Variants in INSC observed in about 807,000 individuals in gnomAD.
INSC encodes protein inscuteable homolog.
Under a neutral mutation model 58.6 loss-of-function variants are expected in INSC, and 67 were observed. That is an observed-to-expected ratio of 1.14 (90% confidence interval 0.94 to 1.40). The LOEUF is 1.40. Among genes scored for constraint, INSC ranks in the 40% most tolerant of loss-of-function variants. The pLI, the probability that INSC is intolerant of heterozygous loss-of-function variation, is 0.00. For missense variants in INSC, 714 were observed against 692.0 expected, an observed-to-expected ratio of 1.03 and a Z score of -0.36; for synonymous variants, 262 against 276.1, an observed-to-expected ratio of 0.95 and a Z score of 0.51.
Position 15,177,100 on chromosome 11 carries a change from T to C in INSC, c.403-11T>C. 1 of 1,613,312 alleles carries C rather than the reference T, an allele frequency of 6.2e-7. No individual in the cohort carries two copies. Among genetic ancestry groups the C allele is most frequent in the Non-Finnish European group, 8.5e-7 (1 of 1,179,294 alleles). On this transcript the variant is annotated splice_polypyrimidine_tract_variant and intron_variant, in intron 3 of 12. Transcript: ENST00000379556. ...TACTGAGTTGAATAAAATGGACTTA[T>C]TTTTCTACAGATTGAGAAGCTGCTA...
At chr11:15,140,258 C>T (rs1938451825) in intron 1 of INSC, among the ~76,000 whole-genome samples, 1 of 152,220 alleles carries the variant, frequency 6.6e-6, no homozygotes, top group Non-Finnish European at 1.5e-5. Flanking sequence ...CTGTCCCATT[C>T]CAGAGCTGAG....
chr11:15,208,938 G>A (rs1003951862), intron 7 of INSC, among the ~76,000 whole-genome samples: 1 of 152,224 alleles, frequency 6.6e-6, no homozygotes, highest in Non-Finnish European at 1.5e-5. Flanking sequence ...GGGGCGGAGT[G>A]AGTGGGGGAG....
rs531776098 is a variant in INSC, at chr11:15,154,377, G to A, written c.56+5147G>A. Among the ~76,000 whole-genome samples the A allele has an allele frequency of 2.6e-5, 4 of 152,268 alleles. No individual in the cohort carries two copies. The East Asian group carries it at 5.8e-4, about 22-fold the overall frequency. On this transcript the variant is annotated intron_variant, in intron 2 of 12. Transcript: ENST00000379556. ...CCAGCAAGCTATTCTCATTTTTTTA[G>A]TATAAAATTGCTGTTTGGAGGGAAA...
At chr11:15,156,618 T>A (rs1848822980) in intron 2 of INSC, among the ~76,000 whole-genome samples, 1 of 152,222 alleles carries the variant, frequency 6.6e-6, no homozygotes, top group South Asian at 2.1e-4. Context: ...CAATTTTAGC[T>A]TTATTGCCAC....
intron 7 of INSC, among the ~76,000 whole-genome samples, chr11:15,209,442 A>G (rs1022102465): frequency 2.0e-5 from 3 of 152,124 alleles, no homozygotes; most frequent in Non-Finnish European, 2.9e-5. Context: ...GGGTGTCCCA[A>G]TGAGAGTTTC....
intron 2 of INSC, among the ~76,000 whole-genome samples, chr11:15,151,251 C>T (rs1273145231): frequency 2.6e-5 from 4 of 152,148 alleles, no homozygotes; most frequent in South Asian, 2.1e-4. Flanking sequence ...GAACTGCTTG[C>T]GTGAGGGATT....
intron 7 of INSC, among the ~76,000 whole-genome samples, chr11:15,206,700 T>A (rs1850814008): frequency 6.6e-6 from 1 of 152,054 alleles, no homozygotes; most frequent in Non-Finnish European, 1.5e-5. Flanking sequence ...TGGGGAAGAA[T>A]GAAGAGAGGT....
At chr11:15,186,815 A>C (rs1849984908) in intron 5 of INSC, among the ~76,000 whole-genome samples, 1 of 152,166 alleles carries the variant, frequency 6.6e-6, no homozygotes, top group Admixed American at 6.6e-5. Flanking sequence ...TCTTTCGAAT[A>C]GTTCATGATG....
intron 7 of INSC, among the ~76,000 whole-genome samples, chr11:15,216,557 A>G (rs1446264464): frequency 2.0e-5 from 3 of 152,334 alleles, no homozygotes; most frequent in South Asian, 4.1e-4. Flanking sequence ...ATAGAAATGC[A>G]GGGATAGTAC....
intron 5 of INSC, among the ~76,000 whole-genome samples, chr11:15,179,729 T>C (rs1472901822): frequency 2.0e-5 from 3 of 152,216 alleles, no homozygotes; most frequent in Non-Finnish European, 4.4e-5. Context: ...GATGAGCCAG[T>C]GCTGACAATC....
chr11:15,201,612 C>T (rs1396804398), intron 7 of INSC, among the ~76,000 whole-genome samples: 1 of 152,214 alleles, frequency 6.6e-6, no homozygotes, highest in Non-Finnish European at 1.5e-5. Flanking sequence ...TGCGCCTCTA[C>T]TTAGACATGA....
Position 15,157,638 on chromosome 11 carries a change from A to G in INSC, c.56+8408A>G, listed in dbSNP as rs1485169393. On this transcript the variant is annotated intron_variant, in intron 2 of 12. Transcript: ENST00000379556. Reference sequence around the variant, plus strand: ...CAGAGAGTCAGCGAGCTAATGACAGAGAGTCAGGCAAGCTATGCAATTATG... The same window carrying G: ...CAGAGAGTCAGCGAGCTAATGACAGGGAGTCAGGCAAGCTATGCAATTATG... 2.0e-5 allele frequency among the ~76,000 whole-genome samples: 3 copies of G among 152,192 alleles called. No individual in the cohort carries two copies. The East Asian group carries it at 5.8e-4, about 29-fold the overall frequency.
intron 1 of INSC, among the ~76,000 whole-genome samples, chr11:15,139,604 G>T (rs769087285): frequency 6.6e-6 from 1 of 152,180 alleles, no homozygotes; most frequent in Admixed American, 6.5e-5. Context: ...TGTGTGCCAG[G>T]CACTTCACAT....
chr11:15,215,144 C>T (rs11603421), intron 7 of INSC, among the ~76,000 whole-genome samples: 62 of 152,336 alleles, frequency 4.1e-4, no homozygotes, highest in African/African-American at 1.5e-3. Flanking sequence ...GATGACCAAG[C>T]CAGGCCATCC....
intron 1 of INSC, among the ~76,000 whole-genome samples, chr11:15,115,664 G>A (rs181558578): frequency 1.1e-4 from 17 of 152,254 alleles, no homozygotes; most frequent in Non-Finnish European, 2.2e-4. Flanking sequence ...AGGAGGCCAG[G>A]GGATGAGTGG....
At chr11:15,152,086 C>T (rs1848672141) in intron 2 of INSC, among the ~76,000 whole-genome samples, 1 of 152,116 alleles carries the variant, frequency 6.6e-6, no homozygotes, top group Non-Finnish European at 1.5e-5. Context: ...TTATTATTAT[C>T]TATATTTTGC....
At chr11:15,194,773 C>A (rs551015603) in intron 6 of INSC, among the ~76,000 whole-genome samples, 2 of 152,288 alleles carry the variant, frequency 1.3e-5, no homozygotes, top group African/African-American at 2.4e-5. Context: ...CAGAATTGAA[C>A]CCCAGCCTCT....
chr11:15,245,863 C>T, intron 12 of INSC, 49 bp from the exon 13 acceptor site: 7 of 1,588,674 alleles, frequency 4.4e-6, no homozygotes, highest in Non-Finnish European at 6.0e-6. Context: ...ATACATGTAC[C>T]TGACATGGCC....
intron 5 of INSC, among the ~76,000 whole-genome samples, chr11:15,186,152 T>G (rs1246878256): frequency 6.6e-6 from 1 of 152,172 alleles, no homozygotes; most frequent in African/African-American, 2.4e-5. Flanking sequence ...GAATTCTGAG[T>G]CCACGAGGGT....
Sources: gnomAD v4.1 joint callset for allele counts (sites outside exome capture counted in the v4.1 genomes callset) on GRCh38, gnomAD v4.1.1 for gene constraint, MANE v1.5 for transcripts, NCBI Gene and HGNC (gene_info 2026-07-23, HGNC 2026-07-21) for gene names.